SORBS2: variants seen among roughly 807,000 people sequenced by gnomAD.
SORBS2 encodes sorbin and SH3 domain-containing protein 2.
A neutral mutation model predicts 97.7 loss-of-function variants in SORBS2; 46 were observed. That is an observed-to-expected ratio of 0.47 (90% CI 0.37 to 0.60). The LOEUF is 0.60. Among genes scored for constraint, SORBS2 ranks in the 20% least tolerant of loss-of-function variants. The pLI is 0.00. For synonymous variants in SORBS2, 476 were observed against 473.4 expected, an observed-to-expected ratio of 1.01 and a Z score of -0.07; for missense variants, 1,316 against 1,282.3, an observed-to-expected ratio of 1.03 and a Z score of -0.40.
intron 1 of SORBS2, among the ~76,000 whole-genome samples, chr4:185,943,285 T>C (rs568097425): frequency 1.3e-5 from 2 of 152,266 alleles, no homozygotes; most frequent in East Asian, 3.9e-4. Context: ...CCCCTCAGAT[T>C]ACCTAATGAT....
intron 1 of SORBS2, among the ~76,000 whole-genome samples, chr4:185,948,015 T>C (rs2099275379): frequency 6.6e-6 from 1 of 152,222 alleles, no homozygotes. Flanking sequence ...TATGAATTCT[T>C]AAAGAGGCCG....
intron 1 of SORBS2, among the ~76,000 whole-genome samples, chr4:185,827,893 A>C (rs2099202612): frequency 7.1e-6 from 1 of 140,042 alleles, no homozygotes; most frequent in Non-Finnish European, 1.5e-5. Flanking sequence ...CATCAGCGTC[A>C]CCATCATCAT....
At chr4:185,602,269 A>G (rs545933137) in intron 12 of SORBS2, among the ~76,000 whole-genome samples, 79 of 152,276 alleles carry the variant, frequency 5.2e-4, no homozygotes, top group African/African-American at 1.8e-3. Context: ...TGGCCTCTCA[A>G]AGTGCTGGGA....
intron 1 of SORBS2, among the ~76,000 whole-genome samples, chr4:185,854,934 G>A (rs2099219964): frequency 6.6e-6 from 1 of 152,060 alleles, no homozygotes; most frequent in South Asian, 2.1e-4. Context: ...GAATTAGTGG[G>A]TTTCTAAGAC....
chr4:185,754,366 C>G (rs576270141), intron 2 of SORBS2, among the ~76,000 whole-genome samples: 1 of 152,212 alleles, frequency 6.6e-6, no homozygotes, highest in South Asian at 2.1e-4. Flanking sequence ...TTACCTGGGT[C>G]ATGAAATAAT....
intron 1 of SORBS2, among the ~76,000 whole-genome samples, chr4:185,806,087 G>A (rs540237579): frequency 6.6e-6 from 1 of 152,354 alleles, no homozygotes; most frequent in African/African-American, 2.4e-5. Flanking sequence ...CAGTGAGGCA[G>A]AAGTCGCTGA....
chr4:185,927,670 C>T (rs1459461261), intron 1 of SORBS2, among the ~76,000 whole-genome samples: 2 of 152,078 alleles, frequency 1.3e-5, no homozygotes, highest in South Asian at 2.1e-4. Flanking sequence ...AAAATAAAAG[C>T]CCAATTACTT....
intron 2 of SORBS2, among the ~76,000 whole-genome samples, chr4:185,718,058 C>T (rs190379495): frequency 5.5e-4 from 83 of 152,174 alleles, no homozygotes; most frequent in African/African-American, 2.0e-3. Context: ...TGGTGCAACC[C>T]CATCTCTACT....
At chr4:185,792,186 A>T (rs1462303838) in intron 1 of SORBS2, among the ~76,000 whole-genome samples, 1 of 152,214 alleles carries the variant, frequency 6.6e-6, no homozygotes, top group Admixed American at 6.5e-5. Flanking sequence ...TGAAATTTTC[A>T]TAACGTTAAG....
chr4:185,867,548 T>G (rs2099227646), intron 1 of SORBS2, among the ~76,000 whole-genome samples: 1 of 152,158 alleles, frequency 6.6e-6, no homozygotes, highest in Non-Finnish European at 1.5e-5. Context: ...ACAATCTTAG[T>G]CCAAGAAGTC....
intron 1 of SORBS2, among the ~76,000 whole-genome samples, chr4:185,826,200 G>A (rs2099199647): frequency 6.6e-6 from 1 of 152,172 alleles, no homozygotes; most frequent in African/African-American, 2.4e-5. Context: ...ATATCCCTCA[G>A]AGGTCATGTG....
At chr4:185,600,269 G>GA (rs1293547054) in intron 12 of SORBS2, among the ~76,000 whole-genome samples, 8 of 152,188 alleles carry the variant, frequency 5.3e-5, no homozygotes, top group Non-Finnish European at 1.2e-4. Flanking sequence ...AGGCACAGCA[G>GA]AAAAAGGTTC....
rs780845836 is a variant in SORBS2 at position 185,623,593 on chromosome 4, A to C, written c.1536T>G (p.Ser512Arg). 6.2e-7 allele frequency: 1 copy of C among 1,614,112 alleles called. No homozygotes were observed. The highest frequency in any genetic ancestry group is 1.7e-5 in the Admixed American group (1 of 60,018). Reference sequence around the variant, plus strand: ...ATGACCCCTCTAGGTGAATGTAGTCACTGTGGTCGGACACAACCCCGTCCT... The same window carrying C: ...ATGACCCCTCTAGGTGAATGTAGTCCCTGTGGTCGGACACAACCCCGTCCT... Residue 512 changes from serine (S) to arginine (R), a missense_variant, in exon 7 of 15, where the codon AGT becomes AGG. Coordinates refer to ENST00000418609, the Ensembl canonical transcript of SORBS2. This position sits in a 1 kb window ranked among gnomAD's most constrained non-coding sequence, Gnocchi z 6.4.
At chr4:185,909,942 C>G (rs2099253968) in intron 1 of SORBS2, among the ~76,000 whole-genome samples, 1 of 149,578 alleles carries the variant, frequency 6.7e-6, no homozygotes, top group East Asian at 1.9e-4. Flanking sequence ...TGAGATCGCT[C>G]CACTGCACTC....
chr4:185,787,774 A>AT (rs2099062974), intron 1 of SORBS2, among the ~76,000 whole-genome samples: 1 of 152,076 alleles, frequency 6.6e-6, no homozygotes. Flanking sequence ...CCTACCGCCC[A>AT]TTTCTCTACA....
At chr4:185,754,263 C>T (rs1562304054) in intron 2 of SORBS2, among the ~76,000 whole-genome samples, 1 of 152,020 alleles carries the variant, frequency 6.6e-6, no homozygotes, top group Admixed American at 6.6e-5. Context: ...CATATGGACA[C>T]AAAGAAGGGA....
intron 1 of SORBS2, among the ~76,000 whole-genome samples, chr4:185,867,490 A>C (rs368762767): frequency 2.0e-5 from 3 of 152,306 alleles, no homozygotes; most frequent in East Asian, 1.9e-4. Context: ...TGCAAGATCT[A>C]TGTTTGCATA....
At chr4:185,848,618 CTTTTTTTTTTTTTTTTT>C (rs537195530) in intron 1 of SORBS2, among the ~76,000 whole-genome samples, 8,911 of 75,480 alleles carry the variant, frequency 0.12, 861 homozygotes, top group African/African-American at 0.25. Context: ...AAGGATATCT[CTTTTTTTTTTTTTTTTT>C]TTTTTTTTTT....
intron 1 of SORBS2, among the ~76,000 whole-genome samples, chr4:185,933,831 C>G (rs2099267608): frequency 6.6e-6 from 1 of 152,126 alleles, no homozygotes. Context: ...CAGAATTTAG[C>G]CAATATCAGT....
Sources: gnomAD v4.1 joint callset for allele counts (sites outside exome capture counted in the v4.1 genomes callset) on GRCh38, gnomAD v4.1.1 for gene constraint, Gnocchi (gnomAD v3.1) non-coding constraint, MANE v1.5 for transcripts, NCBI Gene and HGNC (gene_info 2026-07-23, HGNC 2026-07-21) for gene names.